REV1: variants seen among roughly 807,000 people sequenced by gnomAD.
REV1 encodes the protein translesion synthesis protein REV1.
REV1 carries 42 observed loss-of-function variants against 137.4 expected under a neutral mutation model. The observed-to-expected ratio is 0.31, with a 90% CI of 0.24 to 0.40. REV1 has a LOEUF of 0.40. Among genes scored for constraint, REV1 ranks in the 10% least tolerant of loss-of-function variants. REV1 has a pLI of 1.00. For missense variants in REV1, 1,282 were observed against 1,490.1 expected (o/e 0.86, Z 2.30); for synonymous variants, 524 against 519.2 (o/e 1.01, Z -0.12).
At chr2:99,478,602 T>A (rs1322755886) in intron 1 of REV1, among the ~76,000 whole-genome samples, 4 of 152,120 alleles carry the variant, frequency 2.6e-5, no homozygotes, top group Non-Finnish European at 5.9e-5. Context: ...AATCAGGGAT[T>A]CCAAAGGCCA....
chr2:99,439,133 T>C lies in REV1; in HGVS notation c.681A>G (p.Gly227=). 6.2e-7 allele frequency: 1 copy of C among 1,614,150 alleles called. No homozygotes were observed. The highest frequency in any genetic ancestry group is 8.5e-7 in the Non-Finnish European group (1 of 1,180,026). ...AGGCACCATTAGAGCTAGGAGTGTG[T>C]CCATTAAAAATGGCAGTGCTCCCTC... ...HPRGSTAIFN[G]HTPSSNGALK... The change falls in exon 6 of 23, where the codon GGA becomes GGG. Residue 227 remains glycine, a synonymous_variant. Transcript: ENST00000258428.
chr2:99,472,026 G>C (rs1685480380), intron 1 of REV1, among the ~76,000 whole-genome samples: 1 of 151,442 alleles, frequency 6.6e-6, no homozygotes, highest in African/African-American at 2.4e-5. Flanking sequence ...ATCTGAAATA[G>C]AATTATCATG....
Position 99,401,257 on chromosome 2 carries a change from G to T in REV1, c.3740C>A (p.Thr1247Lys). 6.2e-7 allele frequency: 1 copy of T among 1,605,638 alleles called. No homozygotes were observed. The highest frequency in any genetic ancestry group is 1.3e-5 in the African/African-American group (1 of 74,832). The change falls in exon 23 of 23, where the codon ACA (threonine) becomes AAA (lysine). Residue 1247 changes from threonine to lysine, a missense_variant. Physicochemically the swap from Thr to Lys is moderately conservative, Grantham distance 78 (BLOSUM62 -1). This residue lies in a region of REV1 where 43 missense variants were observed against 79.1 expected (regional missense o/e 0.54). Coordinates refer to ENST00000258428, the MANE Select transcript of REV1 (RefSeq NM_016316.4). ...TGGTAATATTTATGTAACTTTTAAT[G>T]TGCTTCCATAAGTTTGTTGTAAAAC... ...QVVLQQTYGS[T>K]LKVT
intron 9 of REV1, chr2:99,424,882 T>C: frequency 1.5e-6 from 2 of 1,302,550 alleles, no homozygotes; most frequent in Non-Finnish European, 2.0e-6. Flanking sequence ...GAGCCAGGGT[T>C]CCAGAACTTT....
At chr2:99,410,502 T>C (rs752954644) in intron 14 of REV1, among the ~76,000 whole-genome samples, 193 bp downstream of exon 14, 9 of 152,158 alleles carry the variant, frequency 5.9e-5, no homozygotes, top group Non-Finnish European at 1.3e-4. Context: ...ACCTCCTGTG[T>C]GTGGGCCTCG....
chr2:99,439,565 C>T (rs1194079567), intron 5 of REV1, among the ~76,000 whole-genome samples: 1 of 151,884 alleles, frequency 6.6e-6, no homozygotes, highest in African/African-American at 2.4e-5. Context: ...ATATTAACAG[C>T]CCTTTAGGTG....
intron 12 of REV1, among the ~76,000 whole-genome samples, chr2:99,414,146 C>A (rs1206033476): frequency 2.0e-5 from 3 of 152,110 alleles, no homozygotes; most frequent in Non-Finnish European, 4.4e-5. Context: ...CAGAACAAGA[C>A]CCTGTGTTTA....
At chr2:99,483,863 G>A (rs1390265550) in intron 1 of REV1, among the ~76,000 whole-genome samples, 1 of 152,080 alleles carries the variant, frequency 6.6e-6, no homozygotes, top group Non-Finnish European at 1.5e-5. Context: ...GACTCTTGGG[G>A]TCTCACTTTC....
intron 1 of REV1, among the ~76,000 whole-genome samples, chr2:99,479,586 G>A (rs765393483): frequency 1.7e-4 from 26 of 151,686 alleles, no homozygotes; most frequent in Non-Finnish European, 3.2e-4. Flanking sequence ...GATCTCTTGC[G>A]TGAGACCAGC....
At chr2:99,464,773 C>A in intron 2 of REV1, 149 bp downstream of exon 2, 1 of 688,754 alleles carries the variant, frequency 1.5e-6, no homozygotes, top group Non-Finnish European at 2.5e-6. Context: ...TTATAAACAT[C>A]ATAAGGCTTT....
chr2:99,457,937 TAA>T (rs60024285), intron 3 of REV1, among the ~76,000 whole-genome samples: 2 of 143,612 alleles, frequency 1.4e-5, no homozygotes, highest in Admixed American at 6.9e-5. Flanking sequence ...AATCCACAAA[TAA>T]AAAAAAAAAA....
chr2:99,426,033 T>G lies in REV1; in HGVS notation c.1548-1753A>C, dbSNP rs920663832. Among the ~76,000 whole-genome samples, 7 of 147,354 alleles carry G rather than the reference T, an allele frequency of 4.8e-5. No individual in the cohort carries two copies. In the Admixed American group the frequency reaches 4.8e-4, roughly 10 times the overall value. On this transcript the variant is annotated intron_variant, in intron 9 of 22. Coordinates refer to ENST00000258428, the MANE Select transcript of REV1 (RefSeq NM_016316.4). ...CCTGGGCAACAAGAGCGAAACTCCA[T>G]CTCAAAAAAAGAAACCCAAATATGT... is the stretch of plus-strand genomic sequence containing the variant.
intron 1 of REV1, among the ~76,000 whole-genome samples, chr2:99,480,174 T>C (rs1478441091): frequency 2.0e-5 from 3 of 152,006 alleles, no homozygotes; most frequent in Non-Finnish European, 4.4e-5. Context: ...TTGTTTTTAA[T>C]TAGCCAGTCA....
rs140768165 is a variant in REV1, at chr2:99,469,096, G to T, written c.-10-4111C>A. 3.5e-3 allele frequency among the ~76,000 whole-genome samples: 527 copies of T among 152,306 alleles called. 4 individuals carry two copies. The highest frequency in any genetic ancestry group is 0.012 in the African/African-American group (510 of 41,554). ...AGTTCGACTGCAGAATCTTTGTGGG[G>T]CCATGACTGGATGAAGGGTGGATAT... is the stretch of plus-strand genomic sequence containing the variant. On this transcript the variant is annotated intron_variant, in intron 1 of 22. Coordinates refer to ENST00000258428, the MANE Select transcript of REV1 (RefSeq NM_016316.4).
intron 1 of REV1, among the ~76,000 whole-genome samples, chr2:99,474,745 G>GA (rs1685783410): frequency 6.6e-6 from 1 of 151,840 alleles, no homozygotes; most frequent in African/African-American, 2.4e-5. Context: ...CTATTAAAAA[G>GA]AAAAAAATCA....
At position 99,436,084 on chromosome 2, in the gene REV1, T is replaced by C. The variant is rs551363842; in HGVS notation, c.1214-143A>G. 8.8e-5 allele frequency: 54 copies of C among 616,940 alleles called. No individual in the cohort carries two copies. The African/African-American group carries it at 9.5e-4, about 11-fold the overall frequency. 38.2% of individuals were successfully genotyped at this position (616,940 alleles called of 1,614,324 possible). On this transcript the variant is annotated intron_variant, in intron 6 of 22. Coordinates refer to ENST00000258428, the MANE Select transcript of REV1 (RefSeq NM_016316.4). Reference sequence around the variant, plus strand: ...TTAAAAAACCAGAATTGAGTACAGATTATTTCTATCACCTCAAGAGAAGCC... The same window carrying C: ...TTAAAAAACCAGAATTGAGTACAGACTATTTCTATCACCTCAAGAGAAGCC...
chr2:99,443,766 C>T (rs746419280), intron 4 of REV1, among the ~76,000 whole-genome samples: 2 of 152,162 alleles, frequency 1.3e-5, no homozygotes, highest in Admixed American at 6.5e-5. Flanking sequence ...TTCAAAATTT[C>T]AGGTTACATT....
intron 1 of REV1, among the ~76,000 whole-genome samples, chr2:99,469,374 CAT>C (rs1232188615): frequency 2.6e-5 from 4 of 152,208 alleles, no homozygotes; most frequent in African/African-American, 9.7e-5. Context: ...AAGACAGTCA[CAT>C]GTGGAAATCT....
chr2:99,413,090 C>A, intron 12 of REV1, 139 bp from the exon 13 acceptor site: 3 of 663,312 alleles, frequency 4.5e-6, no homozygotes, highest in Non-Finnish European at 7.6e-6. Context: ...ACTGAAGCAT[C>A]CACAGGCTGA....
Sources: allele counts gnomAD v4.1 joint callset (sites outside exome capture counted in the v4.1 genomes callset), GRCh38; gene constraint gnomAD v4.1.1; regional missense constraint gnomAD v4.1.1; transcripts MANE v1.5; gene names NCBI Gene and HGNC (gene_info 2026-07-23, HGNC 2026-07-21).